Variants in CTCF observed in about 807,000 individuals in gnomAD.
CTCF encodes CCCTC-binding factor, also known as transcriptional repressor CTCF.
Under a neutral mutation model 72.3 loss-of-function variants are expected in CTCF, and 7 were observed. The observed-to-expected ratio is 0.10, with a 90% CI of 0.06 to 0.18. The LOEUF (loss-of-function observed/expected upper bound fraction) is 0.18. Among genes scored for constraint, CTCF ranks in the 10% least tolerant of loss-of-function variants. The probability of loss-of-function intolerance (pLI) is 1.00; values close to 1 mark genes in which losing one functional copy is unlikely to be tolerated. For missense variants in CTCF, 516 were observed against 949.1 expected (o/e 0.54, Z 6.00); for synonymous variants, 374 against 315.8 (o/e 1.18, Z -1.95).
At chr16:67,600,041 C>T (rs1015005404) in intron 2 of CTCF, among the ~76,000 whole-genome samples, 3 of 151,828 alleles carry the variant, frequency 2.0e-5, no homozygotes, top group African/African-American at 7.3e-5. Flanking sequence ...AGGAAAGAGG[C>T]TTATGAAGGA....
chr16:67,628,955 G>A (rs2052326779), intron 9 of CTCF, among the ~76,000 whole-genome samples: 2 of 152,234 alleles, frequency 1.3e-5, no homozygotes, highest in South Asian at 4.2e-4. Context: ...AGGAGGCTGA[G>A]GCAGGAGGAT....
At chr16:67,595,069 A>C (rs532798411) in intron 2 of CTCF, among the ~76,000 whole-genome samples, 3 of 152,174 alleles carry the variant, frequency 2.0e-5, no homozygotes, top group South Asian at 4.1e-4. Context: ...TAAGATGGAG[A>C]ATTTGGACCT....
At chr16:67,585,673 A>G (rs1175616670) in intron 2 of CTCF, among the ~76,000 whole-genome samples, 2 of 151,986 alleles carry the variant, frequency 1.3e-5, no homozygotes, top group East Asian at 3.9e-4. Context: ...GCTTAAATAA[A>G]CTCTAATATA....
At chr16:67,634,035 A>T (rs2142881128) in intron 10 of CTCF, among the ~76,000 whole-genome samples, 1 of 152,334 alleles carries the variant, frequency 6.6e-6, no homozygotes, top group Middle Eastern at 3.4e-3. Context: ...AATAGTATTC[A>T]AGTCGATTTG....
chr16:67,612,988 A>T, intron 4 of CTCF, among the ~76,000 whole-genome samples: 1 of 152,238 alleles, frequency 6.6e-6, no homozygotes, highest in South Asian at 2.1e-4. Context: ...GTCAAGGAAG[A>T]TAATTCATAA....
chr16:67,577,995 A>G (rs188259088), intron 2 of CTCF, among the ~76,000 whole-genome samples: 5 of 152,312 alleles, frequency 3.3e-5, no homozygotes, highest in Admixed American at 2.0e-4. Flanking sequence ...ATTAGAACCT[A>G]AAGAATCCCT....
At chr16:67,602,767 G>C (rs1469081199) in intron 2 of CTCF, among the ~76,000 whole-genome samples, 1 of 151,196 alleles carries the variant, frequency 6.6e-6, no homozygotes. Context: ...CTTGAACCCA[G>C]GAGTCGGAGG....
At chr16:67,575,273 A>AGTAAGAATAG (rs1210976981) in intron 2 of CTCF, among the ~76,000 whole-genome samples, 1 of 152,054 alleles carries the variant, frequency 6.6e-6, no homozygotes, top group South Asian at 2.1e-4. Flanking sequence ...TAAGTAAGTA[A>AGTAAGAATAG]GAATTAAGTT....
At position 67,573,136 on chromosome 16, in the gene CTCF, C is replaced by A. The variant is rs932807206; in HGVS notation, c.-10+1872C>A. The stretch of plus-strand genomic sequence containing the variant: ...GTGTAGTGGCGGGAACCTGTAATGC[C>A]AGTTTCTCGGGAGGCTGAGGCAGAA... On this transcript the variant is annotated intron_variant, in intron 2 of 11. Transcript: ENST00000264010. Among the ~76,000 whole-genome samples the A allele has an allele frequency of 2.1e-3, 322 of 151,942 alleles. 2 individuals carry two copies. The highest frequency in any genetic ancestry group is 7.6e-3 in the African/African-American group (314 of 41,472).
At chr16:67,621,164 A>G in intron 6 of CTCF, 1 of 368,822 alleles carries the variant, frequency 2.7e-6, no homozygotes. Context: ...AAAAAGAAAA[A>G]CTTGTGGGTT....
chr16:67,629,746 CTTTTTTTTT>C (rs71145978), intron 10 of CTCF, among the ~76,000 whole-genome samples: 5 of 63,362 alleles, frequency 7.9e-5, no homozygotes, highest in African/African-American at 1.9e-4. Flanking sequence ...CATTAATGCC[CTTTTTTTTT>C]TTTTTTTTTT....
rs1022758571 is a variant in CTCF at position 67,631,154 on chromosome 16, G to T, written c.1837+1621G>T. Among the ~76,000 whole-genome samples the T allele has an allele frequency of 2.0e-3, 249 of 124,990 alleles. 4 individuals carry two copies. Among genetic ancestry groups the T allele is most frequent in the African/African-American group, 5.8e-3 (173 of 29,776 alleles). 82.0% of individuals were successfully genotyped at this position (124,990 alleles called of 152,430 possible). On this transcript the variant is annotated intron_variant, in intron 10 of 11. Transcript: ENST00000264010. ...ATTGGGCTTTTTTTGTTCTTTGTTT[G>T]TTTTTTTTTTGTTTTTTGTTTTTTT...
intron 2 of CTCF, among the ~76,000 whole-genome samples, chr16:67,578,404 C>T (rs1209485007): frequency 7.1e-6 from 1 of 141,270 alleles, no homozygotes; most frequent in Middle Eastern, 4.0e-3. Context: ...GTGATCTTGG[C>T]TCACTGCAAC....
chr16:67,637,836 C>T lies in CTCF; in HGVS notation c.2148C>T (p.Leu716=), dbSNP rs373283110. The T allele has an allele frequency of 6.2e-7, 1 of 1,612,332 alleles. No individual in the cohort carries two copies. Among genetic ancestry groups the T allele is most frequent in the Non-Finnish European group, 8.5e-7 (1 of 1,180,008 alleles). ...CCACAGATGCCCCCAACGGAGACCT[C>T]ACGCCCGAGATGATCCTCAGCATGA... ...PAATDAPNGD[L]TPEMILSMMD... Residue 716 remains leucine, a synonymous_variant, in exon 12 of 12, where the codon CTC becomes CTT. Transcript: ENST00000264010.
intron 2 of CTCF, among the ~76,000 whole-genome samples, chr16:67,595,052 T>C (rs1212428716): frequency 6.6e-6 from 1 of 152,174 alleles, no homozygotes; most frequent in Non-Finnish European, 1.5e-5. Context: ...TACAGAGCTC[T>C]GGGAGCTAAG....
chr16:67,575,336 A>T (rs958809594), intron 2 of CTCF, among the ~76,000 whole-genome samples: 2 of 151,922 alleles, frequency 1.3e-5, no homozygotes, highest in African/African-American at 4.8e-5. Flanking sequence ...CTTTGGGAGG[A>T]TGAATTTTAT....
chr16:67,592,030 T>A (rs886806695), intron 2 of CTCF, among the ~76,000 whole-genome samples: 1 of 152,070 alleles, frequency 6.6e-6, no homozygotes, highest in African/African-American at 2.4e-5. Flanking sequence ...TTATAATTGC[T>A]TTTTTTCCCC....
intron 2 of CTCF, among the ~76,000 whole-genome samples, chr16:67,591,722 G>A (rs75677655): frequency 8.3e-4 from 122 of 146,650 alleles, no homozygotes; most frequent in Middle Eastern, 6.9e-3. Context: ...TACTTTTTTT[G>A]GGGGGGGGCA....
intron 11 of CTCF, among the ~76,000 whole-genome samples, chr16:67,637,398 G>A (rs1363277787): frequency 6.6e-6 from 1 of 152,088 alleles, no homozygotes. Context: ...CAGGCGTAGG[G>A]GTGGGCACCT....
Sources: allele counts gnomAD v4.1 joint callset (sites outside exome capture counted in the v4.1 genomes callset), GRCh38; gene constraint gnomAD v4.1.1; transcripts MANE v1.5; gene names NCBI Gene and HGNC (gene_info 2026-07-23, HGNC 2026-07-21).